SAMD5: variants seen among roughly 807,000 people sequenced by gnomAD.
The protein encoded by SAMD5 is sterile alpha motif domain-containing protein 5.
Under a neutral mutation model 11.3 loss-of-function variants are expected in SAMD5, and 13 were observed. The observed-to-expected ratio is 1.15, with a 90% confidence interval of 0.75 to 1.83. The LOEUF (loss-of-function observed/expected upper bound fraction) is 1.83, where lower values mean the gene tolerates loss of function less well. Among genes scored for constraint, SAMD5 ranks in the 40% most tolerant of loss-of-function variants. The pLI is 0.00. For synonymous variants in SAMD5, 129 were observed against 111.3 expected, an observed-to-expected ratio of 1.16 and a Z score of -1.00; for missense variants, 255 against 239.1, an observed-to-expected ratio of 1.07 and a Z score of -0.44.
the SAMD5 span, among the ~76,000 whole-genome samples, chr6:147,853,322 G>A: frequency 6.6e-6 from 1 of 152,026 alleles, no homozygotes; most frequent in Non-Finnish European, 1.5e-5. Flanking sequence ...AACGATTAGG[G>A]TGATAACACC....
the SAMD5 span, among the ~76,000 whole-genome samples, chr6:147,952,461 T>A: frequency 6.6e-6 from 1 of 152,148 alleles, no homozygotes; most frequent in Non-Finnish European, 1.5e-5. Context: ...TCCAAAATAT[T>A]TTTATGGTAA....
the SAMD5 span, among the ~76,000 whole-genome samples, chr6:147,794,252 G>T: frequency 1.3e-5 from 2 of 152,106 alleles, no homozygotes; most frequent in Non-Finnish European, 2.9e-5. Flanking sequence ...GGATTGTTGG[G>T]AGAGTTAAAT....
chr6:147,697,855 A>T (rs1372600213), intron 1 of SAMD5, among the ~76,000 whole-genome samples: 1 of 152,110 alleles, frequency 6.6e-6, no homozygotes, highest in Non-Finnish European at 1.5e-5. Flanking sequence ...GGTTCATAAG[A>T]CCAGAAGGGT....
chr6:147,646,063 T>C (rs1201404807), intron 1 of SAMD5, among the ~76,000 whole-genome samples: 1 of 138,644 alleles, frequency 7.2e-6, no homozygotes, highest in Non-Finnish European at 1.5e-5. Flanking sequence ...TCTATCTATC[T>C]ATCTATCTAT....
At chr6:147,554,960 C>G (rs907703423) in intron 1 of SAMD5, among the ~76,000 whole-genome samples, 3 of 152,238 alleles carry the variant, frequency 2.0e-5, no homozygotes, top group East Asian at 3.9e-4. Flanking sequence ...GCCTCTTTCA[C>G]TGGGAGGGCA....
intron 1 of SAMD5, among the ~76,000 whole-genome samples, chr6:147,545,561 G>A (rs975345785): frequency 6.6e-6 from 1 of 152,104 alleles, no homozygotes; most frequent in South Asian, 2.1e-4. Flanking sequence ...TGCCTGATTT[G>A]GGGGCAGGGG....
At chr6:147,833,469 CTG>C in the SAMD5 span, among the ~76,000 whole-genome samples, 1 of 152,126 alleles carries the variant, frequency 6.6e-6, no homozygotes, top group Admixed American at 6.5e-5. Context: ...ATACGTTAGA[CTG>C]TGTTTATGGA....
chr6:147,627,821 G>A (rs544459108), intron 1 of SAMD5, among the ~76,000 whole-genome samples: 6 of 152,194 alleles, frequency 3.9e-5, no homozygotes, highest in Non-Finnish European at 7.4e-5. Flanking sequence ...AAGGAAGCCA[G>A]TGGCAAAAAT....
rs1412993300 is a variant in SAMD5, at chr6:147,616,216, CATATATATTT to C, written c.162+106832_162+106841del. On this transcript the variant is annotated intron_variant, in intron 1 of 1. Coordinates refer to the SAMD5 transcript ENST00000566741. The stretch of plus-strand genomic sequence containing the variant: ...CATATATATTTATTCATATATACTT[CATATATATTT>C]ATTCATATATACTTCATATATATTT... Among the ~76,000 whole-genome samples, 145 of 134,316 alleles carry C rather than the reference CATATATATTT, an allele frequency of 1.1e-3. 5 individuals carry two copies. The highest frequency in any genetic ancestry group is 4.6e-3 in the African/African-American group (139 of 29,988). 88.1% of individuals were successfully genotyped at this position (134,316 alleles called of 152,430 possible).
chr6:147,651,018 T>C (rs1433787269), intron 1 of SAMD5, among the ~76,000 whole-genome samples: 1 of 152,230 alleles, frequency 6.6e-6, no homozygotes, highest in African/African-American at 2.4e-5. Context: ...TAGAGTTGAA[T>C]AAATGGTAGC....
the SAMD5 span, among the ~76,000 whole-genome samples, chr6:147,794,665 G>C: frequency 6.6e-6 from 1 of 151,988 alleles, no homozygotes; most frequent in South Asian, 2.1e-4. Flanking sequence ...TTGATTATTC[G>C]AGTTCATATG....
At chr6:147,884,329 C>T in the SAMD5 span, among the ~76,000 whole-genome samples, 2 of 152,060 alleles carry the variant, frequency 1.3e-5, no homozygotes, top group Admixed American at 1.3e-4. Flanking sequence ...CAAGACGCCT[C>T]CTTGGTGGAC....
At chr6:147,925,272 A>G in the SAMD5 span, among the ~76,000 whole-genome samples, 1 of 152,168 alleles carries the variant, frequency 6.6e-6, no homozygotes, top group Admixed American at 6.6e-5. Context: ...TACAGCAAGA[A>G]GAAATCCAAC....
intron 1 of SAMD5, among the ~76,000 whole-genome samples, chr6:147,631,502 G>A (rs1306754120): frequency 3.3e-5 from 5 of 152,064 alleles, no homozygotes; most frequent in Admixed American, 3.3e-4. Context: ...AGGTATGAAG[G>A]TTTCACTGAA....
At chr6:147,883,404 G>T in the SAMD5 span, among the ~76,000 whole-genome samples, 1 of 152,164 alleles carries the variant, frequency 6.6e-6, no homozygotes, top group Non-Finnish European at 1.5e-5. Context: ...AGATACAGAC[G>T]ATAAAGACTT....
chr6:147,841,728 G>T, the SAMD5 span, among the ~76,000 whole-genome samples: 7 of 147,908 alleles, frequency 4.7e-5, no homozygotes, highest in Admixed American at 1.3e-4. Flanking sequence ...AGTTAAGAGA[G>T]TGTGGTAAAA....
chr6:147,945,716 C>T, the SAMD5 span, among the ~76,000 whole-genome samples: 1 of 152,054 alleles, frequency 6.6e-6, no homozygotes, highest in Non-Finnish European at 1.5e-5. Flanking sequence ...GGAACGTTAG[C>T]CCCACCTTCC....
At chr6:147,830,260 T>C in the SAMD5 span, among the ~76,000 whole-genome samples, 1 of 132,450 alleles carries the variant, frequency 7.6e-6, no homozygotes, top group African/African-American at 3.0e-5. Context: ...TCTTTTTTTT[T>C]TTTTTTTTTT....
intron 1 of SAMD5, among the ~76,000 whole-genome samples, chr6:147,596,961 G>C (rs566470889): frequency 6.6e-6 from 1 of 152,264 alleles, no homozygotes; most frequent in East Asian, 1.9e-4. Flanking sequence ...TTAAGTTTCA[G>C]ATAAATGTCA....
Sources: allele counts gnomAD v4.1 joint callset (sites outside exome capture counted in the v4.1 genomes callset), GRCh38; gene constraint gnomAD v4.1.1; transcripts MANE v1.5; gene names NCBI Gene and HGNC (gene_info 2026-07-23, HGNC 2026-07-21).